The following SEC22C variants were observed in gnomAD, a reference collection of about 807,000 sequenced individuals.
SEC22C encodes the protein SEC22 homolog C, vesicle trafficking protein, also known as vesicle-trafficking protein SEC22c.
In SEC22C, 29 loss-of-function variants were observed where a neutral mutation model predicts 34.7. The ratio of observed to expected loss-of-function variants is 0.84; its 90% CI spans 0.62 to 1.14. SEC22C has a LOEUF of 1.14. Ranked by LOEUF, SEC22C falls within the 50% of genes most tolerant of loss-of-function variation. The pLI is 0.00. For synonymous variants in SEC22C, 117 were observed against 132.8 expected (o/e 0.88, Z 0.82); for missense variants, 337 against 369.0 (o/e 0.91, Z 0.71).
At chr3:42,600,601 C>A (rs1269584610) in intron 1 of SEC22C, 1 of 155,128 alleles carries the variant, frequency 6.4e-6, no homozygotes, top group Non-Finnish European at 1.4e-5. Context: ...GGTTGACCAC[C>A]CCCATCTAGA....
At chr3:42,565,154 C>T (rs756637333) in intron 2 of SEC22C, among the ~76,000 whole-genome samples, 6 of 152,200 alleles carry the variant, frequency 3.9e-5, no homozygotes, top group Non-Finnish European at 8.8e-5. Context: ...TCCGCTCACA[C>T]ACTTACTACC....
chr3:42,554,996 C>CAACA (rs1553643342), intron 6 of SEC22C, among the ~76,000 whole-genome samples: 8 of 151,070 alleles, frequency 5.3e-5, no homozygotes, highest in Non-Finnish European at 1.0e-4. Flanking sequence ...ACAACAACAA[C>CAACA]AAAAAAATCA....
chr3:42,579,526 CAGG>C (rs1704179537), intron 1 of SEC22C: 2 of 145,334 alleles, frequency 1.4e-5, no homozygotes, highest in South Asian at 4.3e-4. Context: ...CACTTGAGCT[CAGG>C]AGGTCAAGGC....
In SEC22C at chr3:42,552,329, A is replaced by T; in HGVS notation, c.*919T>A. 1.0e-6 allele frequency: 1 copy of T among 985,406 alleles called. No homozygotes were observed. Among genetic ancestry groups the T allele is most frequent in the Non-Finnish European group, 1.2e-6 (1 of 829,908 alleles). The allele number at this position is 985,406 out of a possible 1,614,324, so 61.0% of individuals were successfully genotyped here. ...TACAGTAGTCATCATCATTAAAACA[A>T]CAGGCACTCAGCTCTACTGAAAAGG... On this transcript the variant is annotated 3_prime_UTR_variant, in exon 7 of 7. Coordinates refer to ENST00000264454, the MANE Select transcript of SEC22C (RefSeq NM_032970.4).
At chr3:42,554,422 G>A (rs13066333) in intron 6 of SEC22C, among the ~76,000 whole-genome samples, 40,711 of 152,000 alleles carry the variant, frequency 0.27, 6,150 homozygotes, top group East Asian at 0.47. Context: ...TCAGCTCACC[G>A]CAACCTCCAC....
chr3:42,591,148 T>A, intron 1 of SEC22C: 2 of 663,808 alleles, frequency 3.0e-6, no homozygotes, highest in East Asian at 2.7e-5. Context: ...GACCCCGGCA[T>A]GGGGTTCGGT....
intron 1 of SEC22C, chr3:42,590,890 T>C (rs775606273): frequency 3.7e-5 from 59 of 1,596,680 alleles, no homozygotes; most frequent in Non-Finnish European, 5.0e-5. Flanking sequence ...TTCCGGAGGT[T>C]CCTCGGGATG....
chr3:42,591,789 G>A (rs1014666071), intron 1 of SEC22C, among the ~76,000 whole-genome samples: 1 of 152,196 alleles, frequency 6.6e-6, no homozygotes, highest in African/African-American at 2.4e-5. Context: ...TGCGGAGCCT[G>A]GAGTCAGACG....
At position 42,552,952 on chromosome 3, in the gene SEC22C, T is replaced by C. The variant is rs1432923121; in HGVS notation, c.*296A>G. On this transcript the variant is annotated 3_prime_UTR_variant, in exon 7 of 7. Coordinates refer to ENST00000264454, the MANE Select transcript of SEC22C (RefSeq NM_032970.4). ...TCATTCAACTTAAAAGACCAAAATA[T>C]TTCCTTTCTCTCTTCCAATAAAGCT... 7 of 1,161,890 alleles carry C rather than the reference T, an allele frequency of 6.0e-6. No homozygotes were observed. In the East Asian group the frequency reaches 2.1e-4, roughly 35 times the overall value. 72.0% of individuals were successfully genotyped at this position (1,161,890 alleles called of 1,614,324 possible). A position where few individuals can be genotyped will look rare whatever the true frequency, so the allele number is the denominator to read the frequency against.
chr3:42,591,856 C>T (rs566525334), intron 1 of SEC22C, among the ~76,000 whole-genome samples: 5 of 152,186 alleles, frequency 3.3e-5, no homozygotes, highest in Admixed American at 6.5e-5. Flanking sequence ...TCACTCAAAG[C>T]TATGCCGGCT....
chr3:42,566,309 C>T (rs1300292780), intron 2 of SEC22C, among the ~76,000 whole-genome samples: 1 of 152,138 alleles, frequency 6.6e-6, no homozygotes, highest in Non-Finnish European at 1.5e-5. Flanking sequence ...CAGGCCTGGA[C>T]TTTTCCTTTT....
intron 2 of SEC22C, 88 bp downstream of exon 2, chr3:42,568,777 A>G: frequency 9.3e-7 from 1 of 1,073,724 alleles, no homozygotes; most frequent in Non-Finnish European, 1.4e-6. Context: ...TTAATACACA[A>G]TGTGATCAGC....
chr3:42,583,127 A>G (rs1400883339), upstream of SEC22C, among the ~76,000 whole-genome samples: 63 of 152,218 alleles, frequency 4.1e-4, no homozygotes, highest in Non-Finnish European at 1.0e-4. Flanking sequence ...ACCATAGTGG[A>G]AAGTTTAGGA....
intron 2 of SEC22C, among the ~76,000 whole-genome samples, chr3:42,564,782 G>A (rs562689843): frequency 5.3e-5 from 8 of 152,198 alleles, no homozygotes; most frequent in Non-Finnish European, 1.2e-4. Flanking sequence ...TTTTGACACA[G>A]GGTCTCACTC....
In SEC22C at chr3:42,549,737, G is replaced by T. The variant is rs1456264428; in HGVS notation, c.*3511C>A. ...TCTGTCTCCAGAGCTGGAATGTATA[G>T]GGCAGAGGTAGAAAGAGGCAGGAGA... On this transcript the variant is annotated 3_prime_UTR_variant, in exon 7 of 7. Coordinates refer to ENST00000264454, the MANE Select transcript of SEC22C (RefSeq NM_032970.4). The T allele has an allele frequency of 1.0e-6, 1 of 985,538 alleles. No homozygotes were observed. Among genetic ancestry groups the T allele is most frequent in the East Asian group, 1.1e-4 (1 of 8,822 alleles). 61.0% of individuals were successfully genotyped at this position (985,538 alleles called of 1,614,324 possible). A position where few individuals can be genotyped will look rare whatever the true frequency, so the allele number is the denominator to read the frequency against.
At chr3:42,595,134 A>G (rs950963281) in intron 1 of SEC22C, 10 of 152,186 alleles carry the variant, frequency 6.6e-5, no homozygotes, top group African/African-American at 2.2e-4. Flanking sequence ...ATTTCTAATT[A>G]TTATCTAATA....
chr3:42,548,603 A>T lies in SEC22C; in HGVS notation c.*4645T>A. The stretch of plus-strand genomic sequence containing the variant: ...AATCAGAGCTCTCCTCATTTGGGTC[A>T]GGGGTGGCTGGCTCACGAGGTTTGG... On this transcript the variant is annotated 3_prime_UTR_variant, in exon 7 of 7. Coordinates refer to ENST00000264454, the MANE Select transcript of SEC22C (RefSeq NM_032970.4). 1 of 1,613,638 alleles carries T rather than the reference A, an allele frequency of 6.2e-7. No homozygotes were observed. Among genetic ancestry groups the T allele is most frequent in the South Asian group, 1.1e-5 (1 of 91,048 alleles).
intron 6 of SEC22C, 125 bp downstream of exon 6, chr3:42,555,805 G>T (rs1180371441): frequency 2.6e-6 from 2 of 775,552 alleles, no homozygotes; most frequent in Non-Finnish European, 4.5e-6. Context: ...GCTTGGTATT[G>T]TCCATGATGT....
chr3:42,578,051 C>T (rs1229080314), intron 1 of SEC22C, among the ~76,000 whole-genome samples: 1 of 152,042 alleles, frequency 6.6e-6, no homozygotes, highest in African/African-American at 2.4e-5. Context: ...CTACCAATCA[C>T]ACTCCTGACA....
Sources: gnomAD v4.1 joint callset for allele counts (sites outside exome capture counted in the v4.1 genomes callset) on GRCh38, gnomAD v4.1.1 for gene constraint, MANE v1.5 for transcripts, NCBI Gene and HGNC (gene_info 2026-07-23, HGNC 2026-07-21) for gene names.